The following CEP89 variants were observed in gnomAD, a reference collection of about 807,000 sequenced individuals.
The protein encoded by CEP89 is centrosomal protein of 89 kDa.
Under a neutral mutation model 97.6 loss-of-function variants are expected in CEP89, and 95 were observed. The ratio of observed to expected loss-of-function variants is 0.97; its 90% CI spans 0.82 to 1.15. The LOEUF (loss-of-function observed/expected upper bound fraction) is 1.15, where lower values mean the gene tolerates loss of function less well. Ranked by LOEUF, CEP89 falls within the 50% of genes most tolerant of loss-of-function variation. The pLI is 0.00. For missense variants in CEP89, 869 were observed against 947.7 expected (o/e 0.92, Z 1.09); for synonymous variants, 354 against 349.1 (o/e 1.01, Z -0.16).
chr19:32,962,049 CAA>C lies in CEP89; in HGVS notation c.147-1993_147-1992del, dbSNP rs60927897. Among the ~76,000 whole-genome samples the C allele has an allele frequency of 3.7e-3, 512 of 138,324 alleles. 4 individuals are homozygous for C. The highest frequency in any genetic ancestry group is 4.7e-3 in the Non-Finnish European group (294 of 63,006). The allele number at this position is 138,324 out of a possible 152,430, so 90.7% of individuals were successfully genotyped here. ...GCTGGAAAAATCAAATTTCCATATG[CAA>C]AAAAAAAAAAAAATCATGGATCTAT... is the stretch of plus-strand genomic sequence containing the variant. On this transcript the variant is annotated intron_variant, in intron 2 of 18. Coordinates refer to ENST00000305768, the MANE Select transcript of CEP89 (RefSeq NM_032816.5).
In CEP89 at chr19:32,879,115, C is replaced by T. The variant is rs2145862423; in HGVS notation, c.*47G>A. ...CCCTGCAGGGAAGGCCTGTGTGAGG[C>T]AGACCTTTCAGGCCAGAGGAGGCTA... On this transcript the variant is annotated 3_prime_UTR_variant, in exon 19 of 19. Coordinates refer to ENST00000305768, the MANE Select transcript of CEP89 (RefSeq NM_032816.5). 2 of 1,495,458 alleles carry T rather than the reference C, an allele frequency of 1.3e-6. No homozygotes were observed. Among genetic ancestry groups the T allele is most frequent in the Non-Finnish European group, 1.8e-6 (2 of 1,100,596 alleles). 92.6% of individuals were successfully genotyped at this position (1,495,458 alleles called of 1,614,324 possible).
intron 11 of CEP89, among the ~76,000 whole-genome samples, chr19:32,925,614 G>A (rs1054723403): frequency 6.6e-6 from 1 of 150,398 alleles, no homozygotes; most frequent in African/African-American, 2.5e-5. Context: ...TCAGCCTCCT[G>A]AGTAGCTGGA....
intron 9 of CEP89, among the ~76,000 whole-genome samples, chr19:32,929,601 T>TAA (rs71338599): frequency 1.2e-4 from 17 of 141,152 alleles, no homozygotes; most frequent in Middle Eastern, 3.5e-3. Context: ...AGACTGTGTC[T>TAA]AAAAAAAAAA....
At chr19:32,971,298 G>C (rs750831872) in intron 1 of CEP89, 214 of 411,492 alleles carry the variant, frequency 5.2e-4, no homozygotes, top group Non-Finnish European at 5.2e-4. Flanking sequence ...GCAGGTGTAC[G>C]TCGTCCAGGA....
intron 1 of CEP89, among the ~76,000 whole-genome samples, chr19:32,967,599 G>A (rs1971311750): frequency 1.3e-5 from 2 of 152,008 alleles, no homozygotes; most frequent in South Asian, 4.1e-4. Flanking sequence ...GCTGGGGTGG[G>A]CAGGGAGGGA....
At chr19:32,931,224 G>A (rs1025653021) in intron 9 of CEP89, 1 of 553,208 alleles carries the variant, frequency 1.8e-6, no homozygotes, top group Non-Finnish European at 3.1e-6. Flanking sequence ...TTGTCCCAAT[G>A]TTTTACAGTC....
At chr19:32,933,151 A>C (rs1970510865) in intron 8 of CEP89, among the ~76,000 whole-genome samples, 1 of 152,184 alleles carries the variant, frequency 6.6e-6, no homozygotes, top group Non-Finnish European at 1.5e-5. Context: ...TGCTTCTCTT[A>C]GGGATAAAAA....
chr19:32,917,605 G>A (rs1216365477), intron 13 of CEP89, among the ~76,000 whole-genome samples: 1 of 152,182 alleles, frequency 6.6e-6, no homozygotes, highest in Non-Finnish European at 1.5e-5. Context: ...GGGAAAAAAT[G>A]CCACTATCTT....
intron 17 of CEP89, 62 bp from the exon 18 acceptor site, chr19:32,882,075 C>A (rs971177489): frequency 8.5e-6 from 12 of 1,412,236 alleles, no homozygotes; most frequent in Non-Finnish European, 1.1e-5. Flanking sequence ...GACAGTGCCT[C>A]CTGGCTGTGC....
At chr19:32,892,157 G>C (rs959517278) in intron 16 of CEP89, among the ~76,000 whole-genome samples, 1 of 135,194 alleles carries the variant, frequency 7.4e-6, no homozygotes, top group Non-Finnish European at 1.6e-5. Flanking sequence ...TATATATTTA[G>C]ACATACATAT....
intron 11 of CEP89, among the ~76,000 whole-genome samples, 176 bp from the exon 12 acceptor site, chr19:32,923,718 T>A (rs145226574): frequency 6.3e-4 from 96 of 152,258 alleles, no homozygotes; most frequent in African/African-American, 1.9e-3. Flanking sequence ...CTCAGGGAGC[T>A]TACGGTCTAG....
intron 1 of CEP89, chr19:32,969,365 G>A (rs116900438): frequency 0.02 from 3,030 of 152,386 alleles, 48 homozygotes; most frequent in Non-Finnish European, 0.033. Context: ...AAGGCTCCAC[G>A]AGTTTCCACT....
intron 14 of CEP89, among the ~76,000 whole-genome samples, chr19:32,912,531 C>T (rs909270113): frequency 1.3e-5 from 2 of 152,140 alleles, no homozygotes; most frequent in Non-Finnish European, 2.9e-5. Context: ...AGCTTGCCTG[C>T]CCCCACAATT....
chr19:32,933,312 T>C (rs907682978), intron 8 of CEP89, 139 bp downstream of exon 8: 4 of 680,576 alleles, frequency 5.9e-6, no homozygotes, highest in Admixed American at 5.4e-5. Context: ...TCAACAAACA[T>C]AAGGATATTA....
chr19:32,953,795 A>G lies in CEP89; in HGVS notation c.312T>C (p.Asn104=), dbSNP rs1970985945. Residue 104 remains asparagine, a synonymous_variant, in exon 4 of 19, where the codon AAT becomes AAC. Coordinates refer to ENST00000305768, the MANE Select transcript of CEP89 (RefSeq NM_032816.5). The stretch of plus-strand genomic sequence containing the variant: ...ATCTTCTTCCCATCTCACTCTGCCA[A>G]TTTGGCCTGTATTAGAATATTCATG... ...ATTSQLRPRP[N]WQSEMGRRSS... 2 of 1,612,916 alleles carry G rather than the reference A, an allele frequency of 1.2e-6. No individual in the cohort carries two copies. The highest frequency in any genetic ancestry group is 8.5e-7 in the Non-Finnish European group (1 of 1,179,100).
chr19:32,909,230 C>CTAAAGATTTAAGGGGACAGG (rs1291325256), intron 14 of CEP89, among the ~76,000 whole-genome samples: 13 of 152,296 alleles, frequency 8.5e-5, no homozygotes, highest in African/African-American at 2.9e-4. Flanking sequence ...TTGGGGAGAG[C>CTAAAGATTTAAGGGGACAGG]TAAAGATTTA....
intron 12 of CEP89, among the ~76,000 whole-genome samples, chr19:32,920,882 C>T (rs886814719): frequency 5.9e-5 from 9 of 152,098 alleles, no homozygotes; most frequent in African/African-American, 2.2e-4. Flanking sequence ...AATTTAGTTG[C>T]ACCCCAGAAG....
chr19:32,896,774 TC>T (rs1969651349), intron 16 of CEP89, among the ~76,000 whole-genome samples: 2 of 150,336 alleles, frequency 1.3e-5, no homozygotes, highest in African/African-American at 4.9e-5. Context: ...TGTCTCTCTC[TC>T]TCTCTTTTTT....
chr19:32,887,369 C>T (rs994787095), intron 17 of CEP89, among the ~76,000 whole-genome samples: 2 of 151,774 alleles, frequency 1.3e-5, no homozygotes, highest in Admixed American at 6.6e-5. Flanking sequence ...AGGCAAGCAC[C>T]ACCATGCCTG....
Sources: gnomAD v4.1 joint callset for allele counts (sites outside exome capture counted in the v4.1 genomes callset) on GRCh38, gnomAD v4.1.1 for gene constraint, MANE v1.5 for transcripts, NCBI Gene and HGNC (gene_info 2026-07-23, HGNC 2026-07-21) for gene names.